TVP23A: variants seen among roughly 807,000 people sequenced by gnomAD.
TVP23A encodes Golgi apparatus membrane protein TVP23 homolog A.
A neutral mutation model predicts 31.7 loss-of-function variants in TVP23A; 21 were observed. That is an observed-to-expected ratio of 0.66 (90% confidence interval 0.47 to 0.95). The LOEUF (loss-of-function observed/expected upper bound fraction) is 0.95. Ranked by LOEUF, TVP23A falls within the 40% of genes least tolerant of loss-of-function variation. The probability of loss-of-function intolerance (pLI) is 0.00; values close to 1 mark genes in which losing one functional copy is unlikely to be tolerated. For missense variants in TVP23A, 279 were observed against 255.6 expected, an observed-to-expected ratio of 1.09 and a Z score of -0.62; for synonymous variants, 104 against 96.0, an observed-to-expected ratio of 1.08 and a Z score of -0.49.
At chr16:10,770,145 G>A in intron 7 of TVP23A, 127 bp downstream of exon 7, 2 of 1,177,590 alleles carry the variant, frequency 1.7e-6, no homozygotes, top group East Asian at 2.6e-5. Flanking sequence ...CTTCCTGCCT[G>A]GTCACATGCC....
chr16:10,786,294 C>A (rs933547964), intron 2 of TVP23A, among the ~76,000 whole-genome samples: 1 of 152,122 alleles, frequency 6.6e-6, no homozygotes, highest in Non-Finnish European at 1.5e-5. Context: ...TGTCCTGTGG[C>A]CAGGTGCAGT....
chr16:10,806,116 ATGGATTGC>A (rs2033931208), intron 2 of TVP23A, among the ~76,000 whole-genome samples: 1 of 152,140 alleles, frequency 6.6e-6, no homozygotes, highest in Non-Finnish European at 1.5e-5. Flanking sequence ...GCTGAGGCGG[ATGGATTGC>A]TGGAGGTCAG....
At chr16:10,758,673 G>T (rs190600635), downstream of TVP23A, among the ~76,000 whole-genome samples, 4 of 152,278 alleles carry the variant, frequency 2.6e-5, no homozygotes, top group East Asian at 7.7e-4. Context: ...CAGCCTTGCC[G>T]TGTCCATGTG....
At chr16:10,760,287 G>C (rs541455674), downstream of TVP23A, among the ~76,000 whole-genome samples, 5 of 152,238 alleles carry the variant, frequency 3.3e-5, no homozygotes, top group Non-Finnish European at 5.9e-5. Flanking sequence ...AGCCACAGAC[G>C]GTGCCTAGAG....
downstream of TVP23A, chr16:10,762,129 G>A: frequency 6.0e-6 from 2 of 333,198 alleles, no homozygotes; most frequent in Non-Finnish European, 1.1e-5. Flanking sequence ...GGTGGTGGTG[G>A]CAGGGGACTG....
chr16:10,818,653 G>C lies in TVP23A; in HGVS notation c.-160C>G. 1.2e-6 allele frequency: 1 copy of C among 854,070 alleles called. No homozygotes were observed. The highest frequency in any genetic ancestry group is 1.7e-6 in the Non-Finnish European group (1 of 599,216). 52.9% of individuals were successfully genotyped at this position (854,070 alleles called of 1,614,324 possible). On this transcript the variant is annotated 5_prime_UTR_variant, in exon 1 of 8. Coordinates refer to ENST00000299866, the MANE Select transcript of TVP23A (RefSeq NM_001079512.4). This position sits in a 1 kb window ranked among gnomAD's most constrained non-coding sequence, Gnocchi z 4.7. The stretch of plus-strand genomic sequence containing the variant: ...TGGGGCAGCCTCAGCGCAGCTTCTC[G>C]GGTGGGGCGGGGCGCTCGGGGCCTA...
At chr16:10,790,661 G>A (rs116042111) in intron 2 of TVP23A, among the ~76,000 whole-genome samples, 3,567 of 152,218 alleles carry the variant, frequency 0.023, 125 homozygotes, top group African/African-American at 0.082. Context: ...AGTAAGTCAC[G>A]ATATATAGGG....
chr16:10,818,072 A>C lies in TVP23A; in HGVS notation c.89+31T>G. Reference sequence around the variant, plus strand: ...AATGAATGAATTTGCAGCTTTGGGGAACGCCTGACCCAAGCTCCATCCCAA... The same window carrying C: ...AATGAATGAATTTGCAGCTTTGGGGCACGCCTGACCCAAGCTCCATCCCAA... On this transcript the variant is annotated intron_variant, in intron 2 of 7. Coordinates refer to ENST00000299866, the MANE Select transcript of TVP23A (RefSeq NM_001079512.4). The surrounding 1 kb of genome is among the most constrained non-coding windows in gnomAD (Gnocchi z 4.7). The C allele has an allele frequency of 6.4e-7, 1 of 1,569,758 alleles. No homozygotes were observed. Among genetic ancestry groups the C allele is most frequent in the Non-Finnish European group, 8.7e-7 (1 of 1,148,976 alleles).
intron 2 of TVP23A, among the ~76,000 whole-genome samples, chr16:10,814,159 G>A (rs1021973016): frequency 6.6e-6 from 1 of 152,068 alleles, no homozygotes; most frequent in Non-Finnish European, 1.5e-5. Flanking sequence ...CATCCCCTGT[G>A]AATCTGGTTA....
At chr16:10,761,969 C>T, downstream of TVP23A, 1 of 813,202 alleles carries the variant, frequency 1.2e-6, no homozygotes, top group South Asian at 1.7e-5. Context: ...GGAGGAGGGT[C>T]AATGGGGCGC....
At chr16:10,770,732 A>G (rs1270553152) in intron 6 of TVP23A, among the ~76,000 whole-genome samples, 1 of 151,836 alleles carries the variant, frequency 6.6e-6, no homozygotes, top group Non-Finnish European at 1.5e-5. Flanking sequence ...TTAGCCAGGC[A>G]TGGTGTTATG....
intron 2 of TVP23A, among the ~76,000 whole-genome samples, chr16:10,792,732 A>C (rs2033172854): frequency 6.6e-6 from 1 of 152,254 alleles, no homozygotes; most frequent in South Asian, 2.1e-4. Flanking sequence ...AGTGACCTAG[A>C]TGCAATGTTA....
intron 2 of TVP23A, among the ~76,000 whole-genome samples, chr16:10,811,733 T>C (rs1281773833): frequency 6.6e-6 from 1 of 150,724 alleles, no homozygotes; most frequent in East Asian, 1.9e-4. Context: ...TGAAACCCCG[T>C]CTCTACTAAA....
chr16:10,773,541 G>C (rs1017621049), intron 4 of TVP23A, 100 bp from the exon 5 acceptor site: 13 of 1,391,820 alleles, frequency 9.3e-6, no homozygotes, highest in Non-Finnish European at 1.3e-5. Flanking sequence ...TGCTTTTGTT[G>C]CTGTGGGATT....
intron 2 of TVP23A, among the ~76,000 whole-genome samples, chr16:10,803,923 T>G (rs1230401860): frequency 6.6e-6 from 1 of 152,228 alleles, no homozygotes; most frequent in African/African-American, 2.4e-5. Flanking sequence ...GTAAATATAC[T>G]AAAACCAATG....
At chr16:10,802,053 G>A (rs1047020985) in intron 2 of TVP23A, among the ~76,000 whole-genome samples, 2 of 151,252 alleles carry the variant, frequency 1.3e-5, no homozygotes, top group African/African-American at 4.9e-5. Flanking sequence ...GGGGCAAGTG[G>A]GCATGATGTG....
rs1265156959 is a variant in TVP23A, at chr16:10,781,153, C to A, written c.90-6057G>T. Among the ~76,000 whole-genome samples the A allele has an allele frequency of 3.3e-5, 5 of 151,802 alleles. No individual in the cohort carries two copies. In the East Asian group the frequency reaches 7.7e-4, roughly 23 times the overall value. ...AGACCAGCCTGGACAACATGAAGAACCCCCATCTCTACTAAAAATACAAAA... is the reference window on the plus strand; with the variant it reads ...AGACCAGCCTGGACAACATGAAGAAACCCCATCTCTACTAAAAATACAAAA... On this transcript the variant is annotated intron_variant, in intron 2 of 7. Coordinates refer to ENST00000299866, the MANE Select transcript of TVP23A (RefSeq NM_001079512.4).
intron 2 of TVP23A, among the ~76,000 whole-genome samples, chr16:10,780,469 C>T (rs369335038): frequency 6.6e-6 from 1 of 152,292 alleles, no homozygotes; most frequent in East Asian, 1.9e-4. Flanking sequence ...TATAAGGGCA[C>T]TGGCTCTCTC....
At chr16:10,795,375 C>T (rs549177816) in intron 2 of TVP23A, among the ~76,000 whole-genome samples, 16 of 151,930 alleles carry the variant, frequency 1.1e-4, no homozygotes, top group South Asian at 1.0e-3. Context: ...CTCAGCCTCC[C>T]GAGTAGCTGG....
Sources: gnomAD v4.1 joint callset for allele counts (sites outside exome capture counted in the v4.1 genomes callset) on GRCh38, gnomAD v4.1.1 for gene constraint, Gnocchi (gnomAD v3.1) non-coding constraint, MANE v1.5 for transcripts, NCBI Gene and HGNC (gene_info 2026-07-23, HGNC 2026-07-21) for gene names.